Variants in ALAD observed in about 807,000 individuals in gnomAD.
ALAD encodes aminolevulinate dehydratase.
A neutral mutation model predicts 44.4 loss-of-function variants in ALAD; 20 were observed. That is an observed-to-expected ratio of 0.45 (90% CI 0.32 to 0.65). The LOEUF is 0.65. Ranked by LOEUF, ALAD falls within the 30% of genes least tolerant of loss-of-function variation. The pLI, the probability that ALAD is intolerant of heterozygous loss-of-function variation, is 0.05. For missense variants in ALAD, 323 were observed against 445.7 expected, an observed-to-expected ratio of 0.72 and a Z score of 2.48; for synonymous variants, 156 against 167.9, an observed-to-expected ratio of 0.93 and a Z score of 0.55.
rs367823672 is a variant in ALAD, at chr9:113,389,045, C to T, written c.863G>A (p.Gly288Glu). Residue 288 changes from glycine to glutamate, a missense_variant, in exon 11 of 12, where the codon GGA (glycine) becomes GAA (glutamate). Physicochemically the swap from Gly to Glu is moderately conservative, Grantham distance 98 (BLOSUM62 -2). Coordinates refer to ENST00000409155, the MANE Select transcript of ALAD (RefSeq NM_000031.6). ...VSGEFAMLWH[G>E]AQAGAFDLKA... ...GAGATCAAATGCCCCGGCCTGGGCT[C>T]CATGCCACAGCATGGCAAACTCTCC... is the stretch of plus-strand genomic sequence containing the variant. 3 of 1,613,946 alleles carry T rather than the reference C, an allele frequency of 1.9e-6. No homozygotes were observed. The highest frequency in any genetic ancestry group is 2.7e-5 in the African/African-American group (2 of 75,074).
intron 2 of ALAD, chr9:113,392,405 T>G: frequency 8.0e-7 from 1 of 1,244,806 alleles, no homozygotes; most frequent in Non-Finnish European, 1.1e-6. Context: ...GAACGGTAAT[T>G]ACAGGAAGGA....
rs947121559 is a variant in ALAD at position 113,391,752 on chromosome 9, G to A, written c.165-129C>T. The A allele has an allele frequency of 2.0e-5, 15 of 758,682 alleles. No homozygotes were observed. The African/African-American group carries it at 2.2e-4, about 11-fold the overall frequency. 47.0% of individuals were successfully genotyped at this position (758,682 alleles called of 1,614,324 possible). ...GGCACCAGGAGGGCTCAAGCCCCCA[G>A]GACAGAAGGGGCAGGGATGCATCCA... On this transcript the variant is annotated intron_variant, in intron 3 of 11. Coordinates refer to ENST00000409155, the MANE Select transcript of ALAD (RefSeq NM_000031.6).
In ALAD at chr9:113,389,100, C is replaced by T. The variant is rs747842090; in HGVS notation, c.808G>A (p.Asp270Asn). 5.0e-6 allele frequency: 8 copies of T among 1,613,954 alleles called. No individual in the cohort carries two copies. Among genetic ancestry groups the T allele is most frequent in the Admixed American group, 1.7e-5 (1 of 60,024 alleles). Residue 270 changes from aspartate to asparagine, a missense_variant, in exon 11 of 12, where the codon GAC (aspartate) becomes AAC (asparagine). Coordinates refer to ENST00000409155, the MANE Select transcript of ALAD (RefSeq NM_000031.6). ...IVREVKDKHPDLPLAVYHVSG... is the reference protein window; with the variant it reads ...IVREVKDKHPNLPLAVYHVSG... Reference sequence around the variant, plus strand: ...ACGTGGTACACGGCGAGAGGGAGGTCAGGGTGCTGCAGGGAAGCAGACAGG... The same window carrying T: ...ACGTGGTACACGGCGAGAGGGAGGTTAGGGTGCTGCAGGGAAGCAGACAGG...
At position 113,388,262 on chromosome 9, in the gene ALAD, T is replaced by C. The variant is rs780322260; in HGVS notation, c.*38A>G. The C allele has an allele frequency of 6.2e-7, 1 of 1,610,436 alleles. No homozygotes were observed. The highest frequency in any genetic ancestry group is 1.7e-4 in the Middle Eastern group (1 of 6,032). ...TCACTTGTCTGAGGCCCCGGGAACG[T>C]TTTAAAGTTCTAGTTCTTGGGCCTG... On this transcript the variant is annotated 3_prime_UTR_variant, in exon 12 of 12. Transcript: ENST00000409155.
chr9:113,393,338 C>T (rs1198568047), intron 2 of ALAD, 109 bp downstream of exon 2: 1 of 987,032 alleles, frequency 1.0e-6, no homozygotes, highest in Non-Finnish European at 1.6e-6. Flanking sequence ...AAGCTGACAG[C>T]TCACTTTGCC....
chr9:113,395,177 A>G (rs1333227359), intron 1 of ALAD, among the ~76,000 whole-genome samples: 1 of 152,180 alleles, frequency 6.6e-6, no homozygotes, highest in Non-Finnish European at 1.5e-5. Flanking sequence ...AGACACATAC[A>G]CTGTATAGAG....
At chr9:113,400,090 G>C (rs936673223) in intron 1 of ALAD, among the ~76,000 whole-genome samples, 1 of 152,184 alleles carries the variant, frequency 6.6e-6, no homozygotes, top group Non-Finnish European at 1.5e-5. Context: ...CCATTTAGAC[G>C]TAGGAGAAGC....
chr9:113,400,652 A>G (rs1275963180), intron 1 of ALAD, among the ~76,000 whole-genome samples: 2 of 151,764 alleles, frequency 1.3e-5, no homozygotes, highest in Non-Finnish European at 2.9e-5. Flanking sequence ...GAGAAACCCC[A>G]TCTCTACTAA....
Position 113,391,585 on chromosome 9 carries a change from A to C in ALAD, c.203T>G (p.Leu68Trp). The C allele has an allele frequency of 6.2e-7, 1 of 1,614,060 alleles. No individual in the cohort carries two copies. Among genetic ancestry groups the C allele is most frequent in the South Asian group, 1.1e-5 (1 of 91,076 alleles). The change falls in exon 4 of 12, where the codon TTG becomes TGG. Residue 68 changes from leucine to tryptophan, a missense_variant. Physicochemically the swap from Leu to Trp is moderately conservative, Grantham distance 61. Transcript: ENST00000409155. The stretch of plus-strand genomic sequence containing the variant: ...GACACAGCGTAGGCCCTCTTCCACC[A>C]AGGGCCTCAGCATCTCTTCCAGCCG... ...VKRLEEMLRP[L>W]VEEGLRCVLI...
Position 113,388,984 on chromosome 9 carries a change from G to C in ALAD, c.924C>G (p.Arg308=). The change falls in exon 11 of 12, where the codon CGC becomes CGG. Residue 308 remains arginine, a synonymous_variant. Coordinates refer to ENST00000409155, the MANE Select transcript of ALAD (RefSeq NM_000031.6). ...CCACCCTTGCCTGCCTACCTGCTCT[G>C]CGGAAGGCAGTCATGGCCTCCAGTA... ...AAVLEAMTAF[R]RAGADIIITY... is the part of the protein sequence containing the mutation. 1 of 1,613,872 alleles carries C rather than the reference G, an allele frequency of 6.2e-7. No homozygotes were observed. The highest frequency in any genetic ancestry group is 8.5e-7 in the Non-Finnish European group (1 of 1,180,042).
chr9:113,387,338 C>G lies in ALAD; in HGVS notation c.*962G>C, dbSNP rs117612544. 1 of 152,242 alleles carries G rather than the reference C, an allele frequency of 6.6e-6. No homozygotes were observed. The highest frequency in any genetic ancestry group is 1.5e-5 in the Non-Finnish European group (1 of 68,066). The allele number at this position is 152,242 out of a possible 1,614,324, so 9.4% of individuals were successfully genotyped here. A position where few individuals can be genotyped will look rare whatever the true frequency, so the allele number is the denominator to read the frequency against. ...TTCTGATCCTTCAAAGAGGTCAGGT[C>G]CTGGTGACCTCCTTCAGAGCACCTG... On this transcript the variant is annotated 3_prime_UTR_variant, in exon 12 of 12. Coordinates refer to ENST00000409155, the MANE Select transcript of ALAD (RefSeq NM_000031.6).
In ALAD at chr9:113,387,900, C is replaced by T. The variant is rs557867804; in HGVS notation, c.*400G>A. ...CCACACCCAGCTCTGCTGCCAGAAG[C>T]GTTCCAAGGCTTCTCAGGCCCCAAG... On this transcript the variant is annotated 3_prime_UTR_variant, in exon 12 of 12. Transcript: ENST00000409155. The T allele has an allele frequency of 1.2e-3, 355 of 304,242 alleles. No homozygotes were observed. The highest frequency in any genetic ancestry group is 1.5e-3 in the Non-Finnish European group (230 of 152,914). 18.8% of individuals were successfully genotyped at this position (304,242 alleles called of 1,614,324 possible). A position where few individuals can be genotyped will look rare whatever the true frequency, so the allele number is the denominator to read the frequency against.
Position 113,390,927 on chromosome 9 carries a change from G to C in ALAD, c.268C>G (p.Arg90Gly). The change falls in exon 5 of 12, where the codon CGG becomes GGG. Residue 90 changes from arginine to glycine, a missense_variant. By Grantham distance (125) the Arg-to-Gly change is moderately radical. Transcript: ENST00000409155. ...TCCTCGGAGTCAGCTGCGGAACCCCGCTCGTCCTAGGGGCAGGGGAGGGAC... is the reference window on the plus strand; with the variant it reads ...TCCTCGGAGTCAGCTGCGGAACCCCCCTCGTCCTAGGGGCAGGGGAGGGAC... ...GVPSRVPKDERGSAADSEESP... is the reference protein window; with the variant it reads ...GVPSRVPKDEGGSAADSEESP... 1.9e-6 allele frequency: 3 copies of C among 1,614,032 alleles called. No individual in the cohort carries two copies. Among genetic ancestry groups the C allele is most frequent in the Non-Finnish European group, 2.5e-6 (3 of 1,179,996 alleles).
intron 10 of ALAD, 103 bp from the exon 11 acceptor site, chr9:113,389,209 G>A: frequency 1.9e-6 from 3 of 1,539,714 alleles, no homozygotes; most frequent in South Asian, 2.3e-5. Context: ...TGAGCCCCGT[G>A]TCCTGGGTTA....
chr9:113,391,039 A>T (rs1588083867), intron 4 of ALAD, 106 bp from the exon 5 acceptor site: 14 of 1,460,134 alleles, frequency 9.6e-6, no homozygotes, highest in Non-Finnish European at 1.3e-5. Flanking sequence ...TTCCTTCATC[A>T]TCACAGCCCC....
chr9:113,388,105 T>C lies in ALAD; in HGVS notation c.*195A>G. On this transcript the variant is annotated 3_prime_UTR_variant, in exon 12 of 12. Coordinates refer to ENST00000409155, the MANE Select transcript of ALAD (RefSeq NM_000031.6). Reference sequence around the variant, plus strand: ...GAGGGGCGGGGAAGCTTGGGAGAGCTCATAGGATGCAGCTGCGAGTTACAA... The same window carrying C: ...GAGGGGCGGGGAAGCTTGGGAGAGCCCATAGGATGCAGCTGCGAGTTACAA... 1.5e-6 allele frequency: 1 copy of C among 645,828 alleles called. No individual in the cohort carries two copies. Among genetic ancestry groups the C allele is most frequent in the Non-Finnish European group, 2.8e-6 (1 of 356,326 alleles). 40.0% of individuals were successfully genotyped at this position (645,828 alleles called of 1,614,324 possible). A position where few individuals can be genotyped will look rare whatever the true frequency, so the allele number is the denominator to read the frequency against.
chr9:113,389,684 T>C lies in ALAD; in HGVS notation c.629A>G (p.Asp210Gly). 1 of 1,614,110 alleles carries C rather than the reference T, an allele frequency of 6.2e-7. No homozygotes were observed. Among genetic ancestry groups the C allele is most frequent in the Non-Finnish European group, 8.5e-7 (1 of 1,180,018 alleles). ...FASCFYGPFR[D>G]AAKSSPAFGD... ...AAAAGCTGGGCTTGACTTAGCTGCA[T>C]CCCTGCAAAGCAGAGTCATCAGGGT... is the stretch of plus-strand genomic sequence containing the variant. Residue 210 changes from aspartate to glycine, a missense_variant and splice_region_variant, in exon 9 of 12, where the codon GAT (aspartate) becomes GGT (glycine). Coordinates refer to ENST00000409155, the MANE Select transcript of ALAD (RefSeq NM_000031.6).
intron 2 of ALAD, 47 bp downstream of exon 2, chr9:113,393,400 A>AACCCCC (rs1827647613): frequency 7.0e-6 from 10 of 1,436,124 alleles, no homozygotes; most frequent in East Asian, 4.7e-5. Context: ...CCCCAACCCC[A>AACCCCC]ACCCCAACCA....
chr9:113,398,235 C>T (rs1246064835), intron 1 of ALAD: 7 of 152,190 alleles, frequency 4.6e-5, no homozygotes, highest in Admixed American at 6.5e-5. Context: ...AAGAATTGTC[C>T]TAACTTTTAG....
Sources: gnomAD v4.1 joint callset for allele counts (sites outside exome capture counted in the v4.1 genomes callset) on GRCh38, gnomAD v4.1.1 for gene constraint, MANE v1.5 for transcripts, NCBI Gene and HGNC (gene_info 2026-07-23, HGNC 2026-07-21) for gene names.